RBL2: variants seen among roughly 807,000 people sequenced by gnomAD.
RBL2 encodes the protein RB transcriptional corepressor like 2, also known as retinoblastoma-like protein 2.
In RBL2, 56 loss-of-function variants were observed where a neutral mutation model predicts 126.0. The observed-to-expected ratio is 0.44, with a 90% confidence interval of 0.36 to 0.56. The LOEUF is 0.56. Ranked by LOEUF, RBL2 falls within the 20% of genes least tolerant of loss-of-function variation. RBL2 has a pLI of 0.00. For missense variants in RBL2, 1,229 were observed against 1,398.2 expected, an observed-to-expected ratio of 0.88 and a Z score of 1.93; for synonymous variants, 454 against 478.5, an observed-to-expected ratio of 0.95 and a Z score of 0.67.
intron 3 of RBL2, among the ~76,000 whole-genome samples, chr16:53,446,774 T>C (rs2058066025): frequency 6.6e-6 from 1 of 152,232 alleles, no homozygotes; most frequent in South Asian, 2.1e-4. Context: ...ATTCATTTTA[T>C]TTTCCACCTC....
intron 21 of RBL2, chr16:53,488,367 TG>T (rs1961258179): frequency 6.6e-6 from 1 of 152,124 alleles, no homozygotes. Context: ...AGAACATCAG[TG>T]GTGGTTTGGG....
intron 1 of RBL2, among the ~76,000 whole-genome samples, chr16:53,436,223 ATT>A (rs917483584): frequency 3.0e-4 from 45 of 152,018 alleles, no homozygotes; most frequent in African/African-American, 9.9e-4. Flanking sequence ...ACAAGCTCTT[ATT>A]TTACCCTCAA....
At chr16:53,489,098 ATC>A (rs1491116346) in intron 21 of RBL2, 7 of 152,136 alleles carry the variant, frequency 4.6e-5, no homozygotes, top group South Asian at 4.1e-4. Context: ...GTGAAGGTAC[ATC>A]TGTTGATAAT....
chr16:53,435,312 T>A (rs1447563301), intron 1 of RBL2, among the ~76,000 whole-genome samples: 1 of 152,162 alleles, frequency 6.6e-6, no homozygotes, highest in Non-Finnish European at 1.5e-5. Context: ...GGGCTGTGTT[T>A]ACGTCTGTGT....
In RBL2 at chr16:53,465,372, T is replaced by C; in HGVS notation, c.1699-66T>C. ...TACTTCAACTTGTAATTTTGACTAA[T>C]TTCTTGTCTAAATATTTAAAAATAT... On this transcript the variant is annotated intron_variant, in intron 12 of 21. Transcript: ENST00000262133. The C allele has an allele frequency of 2.7e-6, 3 of 1,110,020 alleles. No homozygotes were observed. In the South Asian group the frequency reaches 1.1e-4, roughly 39 times the overall value. The allele number at this position is 1,110,020 out of a possible 1,614,324, so 68.8% of individuals were successfully genotyped here.
At chr16:53,461,028 C>G (rs1271638877) in intron 9 of RBL2, among the ~76,000 whole-genome samples, 1 of 152,130 alleles carries the variant, frequency 6.6e-6, no homozygotes, top group East Asian at 1.9e-4. Context: ...TTTTACACCC[C>G]TTCATTCTAT....
intron 14 of RBL2, among the ~76,000 whole-genome samples, chr16:53,469,541 G>A (rs1384002901): frequency 6.6e-6 from 1 of 152,012 alleles, no homozygotes; most frequent in Non-Finnish European, 1.5e-5. Context: ...GGTAGAAAGT[G>A]GATATGATAG....
rs756763534 is a variant in RBL2, at chr16:53,457,258, CTT to C, written c.1180-2175_1180-2174del. 3.8e-4 allele frequency among the ~76,000 whole-genome samples: 34 copies of C among 89,924 alleles called. 3 individuals carry two copies. Among genetic ancestry groups the C allele is most frequent in the African/African-American group, 1.1e-3 (18 of 16,716 alleles). The allele number at this position is 89,924 out of a possible 152,430, so 59.0% of individuals were successfully genotyped here. A position where few individuals can be genotyped will look rare whatever the true frequency, so the allele number is the denominator to read the frequency against. Reference sequence around the variant, plus strand: ...GGGTCATCAGGGTGGGTACAGATAGCTTTTTTTTTTTTTTTTTTTGAGATGGA... The same window carrying C: ...GGGTCATCAGGGTGGGTACAGATAGCTTTTTTTTTTTTTTTTTGAGATGGA... On this transcript the variant is annotated intron_variant, in intron 8 of 21. Transcript: ENST00000262133.
intron 14 of RBL2, 127 bp from the exon 15 acceptor site, chr16:53,469,789 C>A: frequency 1.7e-6 from 2 of 1,149,424 alleles, no homozygotes; most frequent in Non-Finnish European, 2.4e-6. Context: ...TTCTGTAATT[C>A]TTGTTTGCTT....
intron 4 of RBL2, among the ~76,000 whole-genome samples, chr16:53,451,150 C>A (rs1157673231): frequency 6.8e-6 from 1 of 147,428 alleles, no homozygotes; most frequent in Non-Finnish European, 1.5e-5. Context: ...TTAATAAACA[C>A]TTAATGAATG....
chr16:53,456,337 A>G (rs916168856), intron 8 of RBL2, among the ~76,000 whole-genome samples: 1 of 152,142 alleles, frequency 6.6e-6, no homozygotes, highest in Non-Finnish European at 1.5e-5. Flanking sequence ...ACTGATTTAC[A>G]TTTTTAAAGG....
chr16:53,470,300 TG>T, intron 15 of RBL2, 82 bp from the exon 16 acceptor site: 1 of 1,565,986 alleles, frequency 6.4e-7, no homozygotes, highest in Non-Finnish European at 8.7e-7. Context: ...AGAGAGGGTT[TG>T]GGAGAGCAGA....
chr16:53,466,853 CAT>C lies in RBL2; in HGVS notation c.1864-202_1864-201del, dbSNP rs2058277307. ...TCCAAACCAGTAATGAAGTTTGACT[CAT>C]ATTTAGTATCCAATTACAAGGTTTT... On this transcript the variant is annotated intron_variant, in intron 13 of 21. Transcript: ENST00000262133. 1.2e-5 allele frequency: 6 copies of C among 481,362 alleles called. 1 individual carries two copies. In the Admixed American group the frequency reaches 2.3e-4, roughly 18 times the overall value. The allele number at this position is 481,362 out of a possible 1,614,324, so 29.8% of individuals were successfully genotyped here.
intron 17 of RBL2, among the ~76,000 whole-genome samples, chr16:53,474,667 G>T (rs1960658779): frequency 6.6e-6 from 1 of 152,150 alleles, no homozygotes; most frequent in African/African-American, 2.4e-5. Context: ...GTTTGTTGAG[G>T]AATTTGTTTT....
rs569273132 is a variant in RBL2, at chr16:53,491,223, T to A, written c.*923T>A. 2.0e-5 allele frequency: 3 copies of A among 152,326 alleles called. No homozygotes were observed. Among genetic ancestry groups the A allele is most frequent in the East Asian group, 3.9e-4 (2 of 5,184 alleles). 9.4% of individuals were successfully genotyped at this position (152,326 alleles called of 1,614,324 possible). A position where few individuals can be genotyped will look rare whatever the true frequency, so the allele number is the denominator to read the frequency against. On this transcript the variant is annotated 3_prime_UTR_variant, in exon 22 of 22. Transcript: ENST00000262133. The stretch of plus-strand genomic sequence containing the variant: ...TATGAAAACTTATGACCTCTTCCTT[T>A]AGGAGGGAGTTATCTAAAAGAAATG...
chr16:53,476,251 G>GT (rs753355525), intron 17 of RBL2, among the ~76,000 whole-genome samples: 5 of 152,066 alleles, frequency 3.3e-5, no homozygotes, highest in Non-Finnish European at 7.4e-5. Context: ...TTTGGCTTCT[G>GT]TTTGACTCAC....
chr16:53,450,442 T>C (rs999514924), intron 4 of RBL2, among the ~76,000 whole-genome samples: 4 of 152,252 alleles, frequency 2.6e-5, no homozygotes, highest in Non-Finnish European at 4.4e-5. Flanking sequence ...GCTATTTAAA[T>C]TGAATTTATC....
At position 53,466,987 on chromosome 16, in the gene RBL2, A is replaced by C; in HGVS notation, c.1864-71A>C. ...ATTGTTAAGATACTTTTTCTGCCTT[A>C]GATTACTATTGTATTTGTAATTAAA... On this transcript the variant is annotated intron_variant, in intron 13 of 21. Transcript: ENST00000262133. The C allele has an allele frequency of 1.8e-5, 18 of 993,854 alleles. 1 individual carries two copies. Among genetic ancestry groups the C allele is most frequent in the Non-Finnish European group, 2.8e-5 (18 of 649,684 alleles). 61.6% of individuals were successfully genotyped at this position (993,854 alleles called of 1,614,324 possible).
intron 8 of RBL2, among the ~76,000 whole-genome samples, chr16:53,458,807 G>A (rs1241668234): frequency 6.6e-6 from 1 of 152,138 alleles, no homozygotes; most frequent in Non-Finnish European, 1.5e-5. Flanking sequence ...CAGATCTCGC[G>A]AGACGTATTC....
Sources: allele counts gnomAD v4.1 joint callset (sites outside exome capture counted in the v4.1 genomes callset), GRCh38; gene constraint gnomAD v4.1.1; transcripts MANE v1.5; gene names NCBI Gene and HGNC (gene_info 2026-07-23, HGNC 2026-07-21).